UNC5C: variants seen among roughly 807,000 people sequenced by gnomAD.
The protein encoded by UNC5C is unc-5 netrin receptor C.
A neutral mutation model predicts 99.8 loss-of-function variants in UNC5C; 47 were observed. That is an observed-to-expected ratio of 0.47 (90% CI 0.37 to 0.60). UNC5C has a LOEUF of 0.60. Among genes scored for constraint, UNC5C ranks in the 20% least tolerant of loss-of-function variants. The pLI is 0.00. For missense variants in UNC5C, 1,062 were observed against 1,165.9 expected, an observed-to-expected ratio of 0.91 and a Z score of 1.30; for synonymous variants, 487 against 452.2, an observed-to-expected ratio of 1.08 and a Z score of -0.98.
rs368612621 is a variant in UNC5C at position 95,425,833 on chromosome 4, T to C, written c.125-90202A>G. Among the ~76,000 whole-genome samples, 27 of 152,362 alleles carry C rather than the reference T, an allele frequency of 1.8e-4. No individual in the cohort carries two copies. The South Asian group carries it at 4.1e-3, about 23-fold the overall frequency. On this transcript the variant is annotated intron_variant, in intron 1 of 15. Transcript: ENST00000453304. The stretch of plus-strand genomic sequence containing the variant: ...GTCAACATTATATTGTGCACATTTA[T>C]TCATACCATTAAGTACTGTTAAATG...
At chr4:95,362,114 A>C (rs1381356050) in intron 1 of UNC5C, among the ~76,000 whole-genome samples, 1 of 152,060 alleles carries the variant, frequency 6.6e-6, no homozygotes, top group Non-Finnish European at 1.5e-5. Flanking sequence ...TAGTTTCAAC[A>C]CCTGTTAAAT....
At chr4:95,530,456 G>T (rs966010973) in intron 1 of UNC5C, among the ~76,000 whole-genome samples, 22 of 152,086 alleles carry the variant, frequency 1.4e-4, no homozygotes, top group Non-Finnish European at 2.1e-4. Flanking sequence ...ACTTGGAAAA[G>T]AAAGAAAAAT....
chr4:95,198,759 G>A (rs533084273), intron 12 of UNC5C, among the ~76,000 whole-genome samples: 12 of 152,260 alleles, frequency 7.9e-5, no homozygotes, highest in African/African-American at 2.2e-4. Context: ...TACAGTCTTC[G>A]CTGGAGGCAT....
chr4:95,414,383 G>T (rs549015602), intron 1 of UNC5C, among the ~76,000 whole-genome samples: 5 of 152,202 alleles, frequency 3.3e-5, no homozygotes, highest in Non-Finnish European at 7.4e-5. Flanking sequence ...CGGGTGGCTT[G>T]CCAGTGTCCC....
chr4:95,311,348 A>G (rs1742270196), intron 2 of UNC5C, among the ~76,000 whole-genome samples: 1 of 152,184 alleles, frequency 6.6e-6, no homozygotes, highest in South Asian at 2.1e-4. Flanking sequence ...TTGGAAGGGA[A>G]CAAAGCATGT....
chr4:95,318,133 T>C (rs373399210), intron 2 of UNC5C, among the ~76,000 whole-genome samples: 3 of 152,128 alleles, frequency 2.0e-5, no homozygotes, highest in African/African-American at 7.2e-5. Context: ...TTGAAAAATA[T>C]AAACAAGACT....
At chr4:95,356,333 A>T (rs1744202093) in intron 1 of UNC5C, among the ~76,000 whole-genome samples, 1 of 152,136 alleles carries the variant, frequency 6.6e-6, no homozygotes, top group Admixed American at 6.6e-5. Context: ...TATAATCAAA[A>T]TTTCAGAATT....
chr4:95,397,819 G>A (rs908596823), intron 1 of UNC5C, among the ~76,000 whole-genome samples: 1 of 152,104 alleles, frequency 6.6e-6, no homozygotes, highest in Non-Finnish European at 1.5e-5. Context: ...TAAATTAACT[G>A]TGCAAAGCAA....
At chr4:95,286,540 C>T (rs1273720939) in intron 3 of UNC5C, among the ~76,000 whole-genome samples, 2 of 152,172 alleles carry the variant, frequency 1.3e-5, no homozygotes, top group East Asian at 3.8e-4. Flanking sequence ...TTGGTGTGTC[C>T]ACAGAGTCCC....
chr4:95,173,053 G>C (rs1736188508), intron 14 of UNC5C, among the ~76,000 whole-genome samples: 1 of 151,920 alleles, frequency 6.6e-6, no homozygotes, highest in Non-Finnish European at 1.5e-5. Flanking sequence ...TCTGTTATTG[G>C]TGTATAAGAA....
Position 95,344,050 on chromosome 4 carries a change from T to A in UNC5C, c.125-8419A>T, listed in dbSNP as rs1905457. 6.5e-4 allele frequency among the ~76,000 whole-genome samples: 98 copies of A among 151,792 alleles called. No homozygotes were observed. The East Asian group carries it at 0.018, about 29-fold the overall frequency. ...ATTCAAAGGGATAATAACAGAGAAC[T>A]TCCTACACCTAGAGAAAGATATCAA... On this transcript the variant is annotated intron_variant, in intron 1 of 15. Transcript: ENST00000453304.
chr4:95,404,495 G>GT (rs1027044421), intron 1 of UNC5C, among the ~76,000 whole-genome samples: 1 of 152,162 alleles, frequency 6.6e-6, no homozygotes, highest in Non-Finnish European at 1.5e-5. Context: ...GATATAAATA[G>GT]TTTTTTGCCT....
intron 10 of UNC5C, 55 bp downstream of exon 10, chr4:95,216,069 T>C (rs1338859092): frequency 8.1e-6 from 12 of 1,476,678 alleles, no homozygotes; most frequent in Non-Finnish European, 1.1e-5. Context: ...TATTGTACAA[T>C]TCTCCTCCAA....
intron 7 of UNC5C, among the ~76,000 whole-genome samples, chr4:95,226,786 T>G (rs1738707257): frequency 6.6e-6 from 1 of 152,166 alleles, no homozygotes; most frequent in African/African-American, 2.4e-5. Context: ...GTGATGCAAT[T>G]TCTCAAGAGG....
At chr4:95,169,504 C>G (rs961778477) in intron 15 of UNC5C, 105 bp from the exon 16 acceptor site, 2 of 1,321,010 alleles carry the variant, frequency 1.5e-6, no homozygotes, top group Non-Finnish European at 2.1e-6. Flanking sequence ...TTTCCTGGTC[C>G]CATTGTGGCT....
At chr4:95,258,052 G>C (rs1040344741) in intron 4 of UNC5C, among the ~76,000 whole-genome samples, 5 of 152,262 alleles carry the variant, frequency 3.3e-5, no homozygotes, top group African/African-American at 1.2e-4. Context: ...ACCTTTTCAT[G>C]CAGTATTTCC....
At chr4:95,368,297 G>GAAAAAAA (rs71583699) in intron 1 of UNC5C, among the ~76,000 whole-genome samples, 3 of 133,782 alleles carry the variant, frequency 2.2e-5, no homozygotes, top group Admixed American at 7.6e-5. Flanking sequence ...CATCTTTTTT[G>GAAAAAAA]AAAAAAAAAA....
At chr4:95,365,857 T>G (rs1488647456) in intron 1 of UNC5C, among the ~76,000 whole-genome samples, 1 of 152,186 alleles carries the variant, frequency 6.6e-6, no homozygotes, top group Non-Finnish European at 1.5e-5. Context: ...TTATTTTCCT[T>G]TTTATCTAGG....
At chr4:95,487,089 C>G (rs950272025) in intron 1 of UNC5C, among the ~76,000 whole-genome samples, 1 of 151,706 alleles carries the variant, frequency 6.6e-6, no homozygotes, top group African/African-American at 2.4e-5. Context: ...ACTTCCCAAC[C>G]TCCAGAACCA....
Sources: allele counts gnomAD v4.1 joint callset (sites outside exome capture counted in the v4.1 genomes callset), GRCh38; gene constraint gnomAD v4.1.1; transcripts MANE v1.5; gene names NCBI Gene and HGNC (gene_info 2026-07-23, HGNC 2026-07-21).